The following CNTN3 variants were observed in gnomAD, a reference collection of about 807,000 sequenced individuals.
The protein encoded by CNTN3 is contactin-3.
In CNTN3, 60 loss-of-function variants were observed where a neutral mutation model predicts 119.1. That is an observed-to-expected ratio of 0.50 (90% CI 0.41 to 0.62). CNTN3 has a LOEUF of 0.62. Ranked by LOEUF, CNTN3 falls within the 20% of genes least tolerant of loss-of-function variation. The probability of loss-of-function intolerance (pLI) is 0.00; values close to 1 mark genes in which losing one functional copy is unlikely to be tolerated. For missense variants in CNTN3, 1,101 were observed against 1,242.4 expected (o/e 0.89, Z 1.71); for synonymous variants, 450 against 438.7 (o/e 1.03, Z -0.32).
At chr3:74,493,438 GACAT>G (rs1245134747) in intron 3 of CNTN3, among the ~76,000 whole-genome samples, 26 of 152,094 alleles carry the variant, frequency 1.7e-4, no homozygotes, top group Non-Finnish European at 4.4e-5. Flanking sequence ...CTGGACAATG[GACAT>G]ACAAACAACA....
chr3:74,608,282 C>CT (rs1293147743), intron 1 of CNTN3, among the ~76,000 whole-genome samples: 2 of 152,128 alleles, frequency 1.3e-5, no homozygotes, highest in Non-Finnish European at 2.9e-5. Context: ...ATGACAGGGG[C>CT]TTCCTCTTTG....
intron 5 of CNTN3, among the ~76,000 whole-genome samples, chr3:74,420,711 G>A (rs2106889206): frequency 6.6e-6 from 1 of 152,302 alleles, no homozygotes; most frequent in African/African-American, 2.4e-5. Flanking sequence ...TTGGAGAATG[G>A]CAACAGGGTG....
chr3:74,372,618 G>T (rs1231722247), intron 5 of CNTN3, among the ~76,000 whole-genome samples: 1 of 151,866 alleles, frequency 6.6e-6, no homozygotes, highest in Non-Finnish European at 1.5e-5. Flanking sequence ...TGGAAAACAT[G>T]GAATCAAAAT....
chr3:74,563,347 C>G (rs13063058), intron 1 of CNTN3, among the ~76,000 whole-genome samples: 23,239 of 152,106 alleles, frequency 0.15, 2,382 homozygotes, highest in East Asian at 0.36. Flanking sequence ...TCTACAAGTG[C>G]CAAATTCCAG....
At chr3:74,493,123 T>A (rs558695905) in intron 3 of CNTN3, among the ~76,000 whole-genome samples, 9 of 152,268 alleles carry the variant, frequency 5.9e-5, no homozygotes, top group Non-Finnish European at 1.2e-4. Flanking sequence ...TATTATTATT[T>A]AACATATTAG....
intron 8 of CNTN3, among the ~76,000 whole-genome samples, chr3:74,368,644 A>C (rs1202055483): frequency 1.3e-5 from 2 of 152,118 alleles, no homozygotes; most frequent in African/African-American, 4.8e-5. Context: ...CCTTACCCAA[A>C]TTGAGCAGTA....
At chr3:74,382,461 C>T (rs1704644800) in intron 5 of CNTN3, among the ~76,000 whole-genome samples, 1 of 152,026 alleles carries the variant, frequency 6.6e-6, no homozygotes, top group African/African-American at 2.4e-5. Flanking sequence ...AAAACACGTC[C>T]CTCCTATCTA....
At chr3:74,383,630 G>T (rs1033590222) in intron 5 of CNTN3, among the ~76,000 whole-genome samples, 3 of 152,068 alleles carry the variant, frequency 2.0e-5, no homozygotes, top group African/African-American at 7.2e-5. Context: ...GGACCACAGT[G>T]CATGCCATGA....
intron 11 of CNTN3, 108 bp downstream of exon 11, chr3:74,361,782 A>G (rs890017370): frequency 8.8e-7 from 1 of 1,135,306 alleles, no homozygotes; most frequent in African/African-American, 1.6e-5. Flanking sequence ...AAGATCTCAC[A>G]TGCTACTGAA....
chr3:74,346,143 G>T (rs1293067084), intron 11 of CNTN3, among the ~76,000 whole-genome samples: 1 of 151,788 alleles, frequency 6.6e-6, no homozygotes, highest in Non-Finnish European at 1.5e-5. Flanking sequence ...GAGTAACAAA[G>T]AAATAAATAC....
rs1224006004 is a variant in CNTN3, at chr3:74,474,316, CA to C, written c.358+12139del. ...TGTGCCCTCTTACCAAGGTGGAGAA[CA>C]TCAGAAAAGACCAAGTTTATGGGCA... On this transcript the variant is annotated intron_variant, in intron 4 of 22. Coordinates refer to ENST00000263665, the MANE Select transcript of CNTN3 (RefSeq NM_020872.3). 2.0e-5 allele frequency among the ~76,000 whole-genome samples: 3 copies of C among 152,200 alleles called. No individual in the cohort carries two copies. The East Asian group carries it at 5.8e-4, about 29-fold the overall frequency.
At chr3:74,452,332 A>G (rs1252312953) in intron 4 of CNTN3, among the ~76,000 whole-genome samples, 1 of 117,818 alleles carries the variant, frequency 8.5e-6, no homozygotes, top group Non-Finnish European at 1.7e-5. Context: ...TTATTGGTGT[A>G]TAAGAATGCT....
chr3:74,366,330 TTTAAA>T (rs1402625278), intron 8 of CNTN3, among the ~76,000 whole-genome samples: 2 of 152,130 alleles, frequency 1.3e-5, no homozygotes, highest in Admixed American at 6.6e-5. Flanking sequence ...CTGATGCAAC[TTTAAA>T]TTATGTATGC....
At chr3:74,525,666 G>A (rs1703608921) in intron 1 of CNTN3, among the ~76,000 whole-genome samples, 2 of 151,796 alleles carry the variant, frequency 1.3e-5, no homozygotes. Flanking sequence ...TGCATTTAAG[G>A]GCTAAAGCTT....
At chr3:74,309,164 G>C (rs866643239) in intron 13 of CNTN3, among the ~76,000 whole-genome samples, 2 of 151,928 alleles carry the variant, frequency 1.3e-5, no homozygotes, top group Non-Finnish European at 1.5e-5. Context: ...GAGTGCTGTG[G>C]CATGATCTTA....
chr3:74,573,507 A>G (rs1026415285), intron 1 of CNTN3, among the ~76,000 whole-genome samples: 1 of 152,174 alleles, frequency 6.6e-6, no homozygotes, highest in East Asian at 1.9e-4. Context: ...TGAAAAGACA[A>G]CTCAGAGAAT....
At chr3:74,308,961 A>T (rs1702622469) in intron 13 of CNTN3, among the ~76,000 whole-genome samples, 1 of 152,214 alleles carries the variant, frequency 6.6e-6, no homozygotes, top group South Asian at 2.1e-4. Flanking sequence ...GTCCAAAATA[A>T]TTTAAATGCT....
At chr3:74,424,356 A>C (rs1443106795) in intron 5 of CNTN3, among the ~76,000 whole-genome samples, 2 of 150,852 alleles carry the variant, frequency 1.3e-5, no homozygotes, top group Non-Finnish European at 2.9e-5. Context: ...AATGTAAATG[A>C]TGTGGATATA....
chr3:74,495,893 A>T lies in CNTN3; in HGVS notation c.182+3766T>A, dbSNP rs191299844. Among the ~76,000 whole-genome samples, 4 of 152,198 alleles carry T rather than the reference A, an allele frequency of 2.6e-5. No homozygotes were observed. The East Asian group carries it at 7.7e-4, about 29-fold the overall frequency. On this transcript the variant is annotated intron_variant, in intron 3 of 22. Transcript: ENST00000263665. ...GTTCCTATAGAGCTGAAAGAGAATA[A>T]CGTTCTGTTTACTTCCTTGTGAAGA...
Sources: gnomAD v4.1 joint callset for allele counts (sites outside exome capture counted in the v4.1 genomes callset) on GRCh38, gnomAD v4.1.1 for gene constraint, MANE v1.5 for transcripts, NCBI Gene and HGNC (gene_info 2026-07-23, HGNC 2026-07-21) for gene names.